PIP4K2A: variants seen among roughly 807,000 people sequenced by gnomAD.
PIP4K2A encodes phosphatidylinositol-5-phosphate 4-kinase type 2 alpha.
In PIP4K2A, 14 loss-of-function variants were observed where a neutral mutation model predicts 42.9. The observed-to-expected ratio is 0.33, with a 90% CI of 0.22 to 0.51. The LOEUF is 0.51. Among genes scored for constraint, PIP4K2A ranks in the 20% least tolerant of loss-of-function variants. PIP4K2A has a pLI of 0.97. For missense variants in PIP4K2A, 434 were observed against 519.8 expected (o/e 0.83, Z 1.61); for synonymous variants, 192 against 192.2 (o/e 1.00, Z 0.01).
intron 1 of PIP4K2A, among the ~76,000 whole-genome samples, chr10:22,625,208 A>T (rs1051789999): frequency 7.2e-5 from 11 of 152,242 alleles, no homozygotes; most frequent in Admixed American, 3.3e-4. Context: ...TAAAACTGAC[A>T]ATCAAAATAT....
intron 1 of PIP4K2A, among the ~76,000 whole-genome samples, chr10:22,651,279 G>A (rs947276432): frequency 2.6e-5 from 4 of 152,094 alleles, no homozygotes; most frequent in African/African-American, 9.7e-5. Context: ...CAATTGAGGC[G>A]GCTGTGATTG....
intron 1 of PIP4K2A, among the ~76,000 whole-genome samples, chr10:22,712,357 T>C (rs1833925046): frequency 1.3e-5 from 2 of 152,142 alleles, no homozygotes; most frequent in East Asian, 1.9e-4. Flanking sequence ...AGCACACTCT[T>C]TTTCGGCAGC....
At chr10:22,706,264 G>C (rs753023808) in intron 1 of PIP4K2A, among the ~76,000 whole-genome samples, 9 of 152,094 alleles carry the variant, frequency 5.9e-5, no homozygotes, top group Non-Finnish European at 1.2e-4. Context: ...TCCTCTCAAG[G>C]ATTCTCCAAG....
At chr10:22,542,875 C>T (rs1270084092) in intron 7 of PIP4K2A, among the ~76,000 whole-genome samples, 1 of 152,222 alleles carries the variant, frequency 6.6e-6, no homozygotes. Flanking sequence ...ACCCAACTGG[C>T]TCCCTGACCC....
rs1385184321 is a variant in PIP4K2A at position 22,683,473 on chromosome 10, A to G, written c.144+30710T>C. Among the ~76,000 whole-genome samples, 6 of 152,074 alleles carry G rather than the reference A, an allele frequency of 3.9e-5. 1 individual carries two copies. In the East Asian group the frequency reaches 7.7e-4, roughly 20 times the overall value. On this transcript the variant is annotated intron_variant, in intron 1 of 9. Transcript: ENST00000376573. Reference sequence around the variant, plus strand: ...GGACTTAGCCGAGTCACTTACTCTGATCTGTTTGCTCATCTGTCAAATGTG... The same window carrying G: ...GGACTTAGCCGAGTCACTTACTCTGGTCTGTTTGCTCATCTGTCAAATGTG...
At chr10:22,679,309 T>C (rs1445224874) in intron 1 of PIP4K2A, among the ~76,000 whole-genome samples, 2 of 152,204 alleles carry the variant, frequency 1.3e-5, no homozygotes, top group East Asian at 3.8e-4. Flanking sequence ...AGTATATGGA[T>C]ACCTCCTCAA....
At chr10:22,569,094 G>A (rs1205203206) in intron 5 of PIP4K2A, 9 of 1,433,904 alleles carry the variant, frequency 6.3e-6, no homozygotes, top group South Asian at 2.4e-5. Context: ...GGCTTTCATC[G>A]AGCAGCTCAG....
At chr10:22,685,257 T>C (rs1428572633) in intron 1 of PIP4K2A, among the ~76,000 whole-genome samples, 1 of 152,228 alleles carries the variant, frequency 6.6e-6, no homozygotes, top group Non-Finnish European at 1.5e-5. Flanking sequence ...CAACTGATTT[T>C]ATTAAACAAT....
intron 1 of PIP4K2A, among the ~76,000 whole-genome samples, chr10:22,711,333 A>G (rs1194209146): frequency 2.0e-5 from 3 of 152,166 alleles, no homozygotes; most frequent in South Asian, 2.1e-4. Context: ...TACATTCAAT[A>G]TAACAAACCC....
intron 4 of PIP4K2A, among the ~76,000 whole-genome samples, chr10:22,580,560 A>G (rs1837248413): frequency 6.7e-6 from 1 of 149,628 alleles, no homozygotes; most frequent in South Asian, 2.1e-4. Flanking sequence ...GCTTTTAACA[A>G]CCTATTATTT....
In PIP4K2A at chr10:22,587,122, T is replaced by C. The variant is rs185129114; in HGVS notation, c.492+4507A>G. Among the ~76,000 whole-genome samples the C allele has an allele frequency of 7.2e-5, 11 of 152,254 alleles. No homozygotes were observed. In the East Asian group the frequency reaches 2.1e-3, roughly 29 times the overall value. ...AACCTAGGAAGAATTTATTCAAATA[T>C]TCAAATAACTAGCCATGTTCTACTT... On this transcript the variant is annotated intron_variant, in intron 4 of 9. Transcript: ENST00000376573.
At chr10:22,540,647 T>A (rs903543194) in intron 8 of PIP4K2A, among the ~76,000 whole-genome samples, 2 of 152,236 alleles carry the variant, frequency 1.3e-5, no homozygotes, top group South Asian at 2.1e-4. Flanking sequence ...AACCTCCACC[T>A]CCCGAGTTCA....
At chr10:22,645,728 C>T (rs1475834946) in intron 1 of PIP4K2A, among the ~76,000 whole-genome samples, 2 of 149,904 alleles carry the variant, frequency 1.3e-5, no homozygotes, top group African/African-American at 4.9e-5. Flanking sequence ...CTCAGGGACT[C>T]AGACAGGGTC....
chr10:22,598,803 A>C (rs1837686820), intron 3 of PIP4K2A, among the ~76,000 whole-genome samples: 1 of 152,238 alleles, frequency 6.6e-6, no homozygotes, highest in African/African-American at 2.4e-5. Flanking sequence ...TTCTGCTGTC[A>C]GTTTGTAGAG....
At chr10:22,627,999 A>G (rs1457373470) in intron 1 of PIP4K2A, among the ~76,000 whole-genome samples, 1 of 152,200 alleles carries the variant, frequency 6.6e-6, no homozygotes, top group East Asian at 1.9e-4. Context: ...AACCAACTAC[A>G]AGAAACAGTT....
chr10:22,594,692 G>C (rs1426628116), intron 3 of PIP4K2A, among the ~76,000 whole-genome samples: 1 of 152,216 alleles, frequency 6.6e-6, no homozygotes, highest in African/African-American at 2.4e-5. Flanking sequence ...GAGCCACCAT[G>C]CCCAGCGCAA....
intron 1 of PIP4K2A, among the ~76,000 whole-genome samples, chr10:22,707,521 T>TA (rs1417664279): frequency 6.6e-6 from 1 of 152,232 alleles, no homozygotes; most frequent in East Asian, 1.9e-4. Flanking sequence ...GGTTTTCAAG[T>TA]AGTTTTCTCC....
At position 22,540,020 on chromosome 10, in the gene PIP4K2A, T is replaced by C; in HGVS notation, c.1091A>G (p.Tyr364Cys). 1 of 1,613,106 alleles carries C rather than the reference T, an allele frequency of 6.2e-7. No homozygotes were observed. The highest frequency in any genetic ancestry group is 8.5e-7 in the Non-Finnish European group (1 of 1,179,158). ...FMAIIDILTH[Y>C]DAKKKAAHAA... is the part of the protein sequence containing the mutation. Reference sequence around the variant, plus strand: ...ATGGGCAGCTTTCTTTTTTGCATCATAATGAGTAAGGATGTCAATAATTGC... The same window carrying C: ...ATGGGCAGCTTTCTTTTTTGCATCACAATGAGTAAGGATGTCAATAATTGC... The change falls in exon 9 of 10, where the codon TAT becomes TGT. Residue 364 changes from tyrosine (Y) to cysteine (C), a missense_variant. Physicochemically the swap from Tyr to Cys is radical, Grantham distance 194. Around this residue, in one of 2 missense-constraint regions of PIP4K2A, gnomAD observed 39 missense variants for 75.3 expected, o/e 0.52. Transcript: ENST00000376573.
intron 1 of PIP4K2A, among the ~76,000 whole-genome samples, chr10:22,671,579 T>G (rs1839450937): frequency 6.6e-6 from 1 of 151,994 alleles, no homozygotes; most frequent in African/African-American, 2.4e-5. Flanking sequence ...GTGCGAGTCA[T>G]TAGGGGCATT....
Sources: gnomAD v4.1 joint callset for allele counts (sites outside exome capture counted in the v4.1 genomes callset) on GRCh38, gnomAD v4.1.1 for gene constraint, gnomAD v4.1.1 regional missense constraint, MANE v1.5 for transcripts, NCBI Gene and HGNC (gene_info 2026-07-23, HGNC 2026-07-21) for gene names.